The following BBS1 variants were observed in gnomAD, a reference collection of about 807,000 sequenced individuals.
The protein encoded by BBS1 is Bardet-Biedl syndrome 1, also known as BBSome complex member BBS1.
Under a neutral mutation model 73.9 loss-of-function variants are expected in BBS1, and 60 were observed. That is an observed-to-expected ratio of 0.81 (90% CI 0.66 to 1.01). BBS1 has a LOEUF of 1.01. Among genes scored for constraint, BBS1 ranks in the 50% least tolerant of loss-of-function variants. The pLI, the probability that BBS1 is intolerant of heterozygous loss-of-function variation, is 0.00. For synonymous variants in BBS1, 283 were observed against 317.4 expected (o/e 0.89, Z 1.15); for missense variants, 718 against 770.3 (o/e 0.93, Z 0.80).
rs1362313603 is a variant in BBS1, at chr11:66,514,543, C to T, written c.297C>T (p.Pro99=). Residue 99 remains proline (P), a synonymous_variant, in exon 4 of 17, where the codon CCC becomes CCT. Coordinates refer to ENST00000318312, the MANE Select transcript of BBS1 (RefSeq NM_024649.5). ...AATFLMEQHE[P]RTPALALASG... is the part of the protein sequence containing the mutation. ...CCTTCCTCATGGAGCAACATGAGCC[C>T]CGGACCCCAGCTCTGGCACTTGCTT... The T allele has an allele frequency of 3.1e-6, 5 of 1,614,162 alleles. No homozygotes were observed. The highest frequency in any genetic ancestry group is 4.2e-6 in the Non-Finnish European group (5 of 1,180,040).
chr11:66,531,114 G>C, intron 15 of BBS1, 86 bp downstream of exon 15: 2 of 1,563,422 alleles, frequency 1.3e-6, no homozygotes, highest in Non-Finnish European at 1.7e-6. Context: ...CGCCAGGTCA[G>C]GGTCAGAGCG....
chr11:66,519,479 A>G, intron 7 of BBS1, 138 bp from the exon 8 acceptor site: 1 of 1,226,042 alleles, frequency 8.2e-7, no homozygotes, highest in East Asian at 2.4e-5. Flanking sequence ...ACACCTTTGT[A>G]CTTAAATCTT....
chr11:66,511,322 C>T (rs1266709712), intron 3 of BBS1, 83 bp downstream of exon 3: 42 of 1,508,864 alleles, frequency 2.8e-5, no homozygotes, highest in Non-Finnish European at 3.6e-5. Context: ...GAAAATAGGC[C>T]CAGCATACTC....
At chr11:66,516,802 C>T (rs1856059038) in intron 7 of BBS1, among the ~76,000 whole-genome samples, 1 of 152,146 alleles carries the variant, frequency 6.6e-6, no homozygotes, top group Non-Finnish European at 1.5e-5. Flanking sequence ...AGCAGTCCTC[C>T]TACCTCAGCC....
chr11:66,531,802 G>T (rs1446351544), intron 16 of BBS1, 60 bp downstream of exon 16: 1 of 1,613,504 alleles, frequency 6.2e-7, no homozygotes, highest in Non-Finnish European at 8.5e-7. Flanking sequence ...GACAGTAAGG[G>T]TGAGTGCCAA....
At chr11:66,520,925 G>T (rs752097615) in intron 8 of BBS1, 8 of 359,740 alleles carry the variant, frequency 2.2e-5, no homozygotes, top group Non-Finnish European at 4.3e-5. Context: ...TGCCATGTTG[G>T]ACAGGCTGGT....
intron 3 of BBS1, among the ~76,000 whole-genome samples, chr11:66,512,075 TAC>T (rs1210722775): frequency 7.0e-6 from 1 of 142,506 alleles, no homozygotes; most frequent in African/African-American, 2.8e-5. Context: ...TATATATATA[TAC>T]ATATATTTAA....
chr11:66,526,083 C>T (rs746271848), intron 11 of BBS1, 40 bp from the exon 12 acceptor site: 3 of 1,605,446 alleles, frequency 1.9e-6, no homozygotes, highest in African/African-American at 1.3e-5. Context: ...CTTTCCTCTC[C>T]AAGATATTTC....
rs753791887 is a variant in BBS1 at position 66,526,124 on chromosome 11, A to G, written c.1112A>G (p.Asp371Gly). 8.7e-6 allele frequency: 14 copies of G among 1,614,172 alleles called. No homozygotes were observed. Among genetic ancestry groups the G allele is most frequent in the Non-Finnish European group, 1.1e-5 (13 of 1,180,026 alleles). Residue 371 changes from aspartate (D) to glycine (G), a missense_variant and splice_region_variant, in exon 12 of 17, where the codon GAT (aspartate) becomes GGT (glycine). Asp to Gly is a moderately conservative substitution (Grantham distance 94). Coordinates refer to ENST00000318312, the MANE Select transcript of BBS1 (RefSeq NM_024649.5). The part of the protein sequence containing the change: ...KALLNVIHTP[D>G]AVTSLCFGRY... ...CTAAACTCTGACGTCTCCACATAGG[A>G]TGCAGTGACCAGCCTTTGCTTTGGC...
chr11:66,531,143 G>A (rs1033285670), intron 15 of BBS1, 115 bp downstream of exon 15: 22 of 1,429,922 alleles, frequency 1.5e-5, no homozygotes, highest in Non-Finnish European at 1.8e-5. Context: ...GCTGCCAGGT[G>A]GCCAGCAGAC....
chr11:66,524,219 G>C lies in BBS1; in HGVS notation c.1110+337G>C, dbSNP rs1399518973. The C allele has an allele frequency of 1.9e-5, 7 of 370,592 alleles. No individual in the cohort carries two copies. The Admixed American group carries it at 2.2e-4, about 12-fold the overall frequency. The allele number at this position is 370,592 out of a possible 1,614,324, so 23.0% of individuals were successfully genotyped here. The stretch of plus-strand genomic sequence containing the variant: ...CGCTTGAGCCTGGGAGGCGGAGGTT[G>C]CAGTGAGCCAAGATCAAACCATGGC... On this transcript the variant is annotated intron_variant, in intron 11 of 16. Coordinates refer to ENST00000318312, the MANE Select transcript of BBS1 (RefSeq NM_024649.5).
At chr11:66,524,965 C>T (rs1204086356) in intron 11 of BBS1, among the ~76,000 whole-genome samples, 2 of 152,076 alleles carry the variant, frequency 1.3e-5, no homozygotes, top group East Asian at 1.9e-4. Flanking sequence ...CTTTGGGAGG[C>T]CGAGGCAGGC....
chr11:66,521,230 G>A (rs1565284378), intron 8 of BBS1, 40 bp from the exon 9 acceptor site: 3 of 1,504,830 alleles, frequency 2.0e-6, no homozygotes, highest in Non-Finnish European at 1.9e-6. Flanking sequence ...AGGGACGGGG[G>A]CTCCAGAGAA....
At chr11:66,514,805 C>T in intron 4 of BBS1, 127 bp downstream of exon 4, 2 of 1,072,066 alleles carry the variant, frequency 1.9e-6, no homozygotes, top group Non-Finnish European at 1.4e-6. Flanking sequence ...TCTCTGACAG[C>T]AGCAGTGATG....
chr11:66,531,925 C>T (rs1226938091), intron 16 of BBS1, 26 bp from the exon 17 acceptor site: 3 of 1,569,846 alleles, frequency 1.9e-6, no homozygotes, highest in African/African-American at 2.7e-5. Context: ...TGTATGCCCC[C>T]TGCTGCCATG....
chr11:66,532,016 C>G lies in BBS1; in HGVS notation c.1761C>G (p.Ser587Arg), dbSNP rs768390063. Residue 587 changes from serine to arginine, a missense_variant, in exon 17 of 17, where the codon AGC (serine) becomes AGG (arginine). Physicochemically the swap from Ser to Arg is moderately radical, Grantham distance 110 (BLOSUM62 -1). Coordinates refer to ENST00000318312, the MANE Select transcript of BBS1 (RefSeq NM_024649.5). Reference protein sequence around the residue: ...LLSAHVNMPGSEGLAAA With the variant: ...LLSAHVNMPGREGLAAA Reference sequence around the variant, plus strand: ...GTGCCCACGTCAACATGCCTGGGAGCGAGGGGCTGGCGGCCGCCTGAGACC... The same window carrying G: ...GTGCCCACGTCAACATGCCTGGGAGGGAGGGGCTGGCGGCCGCCTGAGACC... The G allele has an allele frequency of 1.9e-6, 3 of 1,607,118 alleles. No homozygotes were observed. Among genetic ancestry groups the G allele is most frequent in the South Asian group, 1.1e-5 (1 of 90,204 alleles).
intron 4 of BBS1, 112 bp downstream of exon 4, chr11:66,514,790 GTCCAT>G: frequency 3.1e-6 from 4 of 1,274,298 alleles, no homozygotes; most frequent in Non-Finnish European, 4.5e-6. Context: ...GTCAGCTATA[GTCCAT>G]CTCTGACAGC....
rs561893744 is a variant in BBS1, at chr11:66,522,466, G to A, written c.831-990G>A. On this transcript the variant is annotated intron_variant, in intron 9 of 16. Coordinates refer to ENST00000318312, the MANE Select transcript of BBS1 (RefSeq NM_024649.5). ...GGGTTCAAGCGATTCTCCTGCCTCAGCCTCCCAAGTAGCTGGGACTACAGG... is the reference window on the plus strand; with the variant it reads ...GGGTTCAAGCGATTCTCCTGCCTCAACCTCCCAAGTAGCTGGGACTACAGG... Among the ~76,000 whole-genome samples, 4 of 151,386 alleles carry A rather than the reference G, an allele frequency of 2.6e-5. No homozygotes were observed. The East Asian group carries it at 8.0e-4, about 30-fold the overall frequency.
intron 13 of BBS1, chr11:66,527,423 C>T (rs1228305486): frequency 7.7e-6 from 2 of 259,336 alleles, no homozygotes; most frequent in Non-Finnish European, 1.5e-5. Context: ...GTAATCCCAC[C>T]ACTTTGGGAG....
Sources: gnomAD v4.1 joint callset for allele counts (sites outside exome capture counted in the v4.1 genomes callset) on GRCh38, gnomAD v4.1.1 for gene constraint, MANE v1.5 for transcripts, NCBI Gene and HGNC (gene_info 2026-07-23, HGNC 2026-07-21) for gene names.